The following TDRKH variants were observed in gnomAD, a reference collection of about 807,000 sequenced individuals.
The protein encoded by TDRKH is tudor and KH domain-containing protein.
Under a neutral mutation model 61.3 loss-of-function variants are expected in TDRKH, and 28 were observed. The ratio of observed to expected loss-of-function variants is 0.46; its 90% CI spans 0.34 to 0.63. The LOEUF is 0.63. Ranked by LOEUF, TDRKH falls within the 20% of genes least tolerant of loss-of-function variation. The pLI, the probability that TDRKH is intolerant of heterozygous loss-of-function variation, is 0.01. For synonymous variants in TDRKH, 219 were observed against 244.4 expected (o/e 0.90, Z 0.97); for missense variants, 540 against 683.4 (o/e 0.79, Z 2.34).
chr1:151,774,949 A>G, intron 11 of TDRKH, 116 bp downstream of exon 11: 1 of 1,353,054 alleles, frequency 7.4e-7, no homozygotes, highest in South Asian at 1.3e-5. Context: ...TTGGTCAACT[A>G]CTGGAGGAGC....
chr1:151,788,003 A>T (rs1558152015), intron 1 of TDRKH, among the ~76,000 whole-genome samples: 1 of 151,992 alleles, frequency 6.6e-6, no homozygotes, highest in Non-Finnish European at 1.5e-5. Flanking sequence ...TTAAAAAAAA[A>T]AAGTATAGGG....
chr1:151,782,780 C>T, intron 2 of TDRKH, 119 bp downstream of exon 2: 3 of 1,375,034 alleles, frequency 2.2e-6, no homozygotes, highest in Middle Eastern at 1.9e-4. Flanking sequence ...AAAAAAACCC[C>T]ACAAAAAACC....
intron 6 of TDRKH, 73 bp from the exon 7 acceptor site, chr1:151,776,672 G>A: frequency 6.4e-7 from 1 of 1,552,002 alleles, no homozygotes; most frequent in East Asian, 2.3e-5. Context: ...AACCAGGGTA[G>A]TGAGAGGTAC....
intron 1 of TDRKH, among the ~76,000 whole-genome samples, chr1:151,789,714 G>C (rs1350985305): frequency 6.6e-6 from 1 of 152,188 alleles, no homozygotes; most frequent in Non-Finnish European, 1.5e-5. Flanking sequence ...TGAAAGCATA[G>C]ATAACTCATT....
At chr1:151,775,719 C>T in intron 9 of TDRKH, 101 bp downstream of exon 9, 2 of 1,519,888 alleles carry the variant, frequency 1.3e-6, no homozygotes, top group Non-Finnish European at 1.8e-6. Flanking sequence ...ACCTGAGTCC[C>T]CAGAATTCAA....
At chr1:151,782,818 C>G (rs550871100) in intron 2 of TDRKH, 81 bp downstream of exon 2, 1,155 of 1,458,988 alleles carry the variant, frequency 7.9e-4, no homozygotes, top group Admixed American at 1.2e-3. Context: ...CAATACCTGG[C>G]AAGGAAAGAG....
chr1:151,788,793 A>T (rs1331531804), intron 1 of TDRKH, among the ~76,000 whole-genome samples: 1 of 152,188 alleles, frequency 6.6e-6, no homozygotes, highest in Non-Finnish European at 1.5e-5. Flanking sequence ...GACACTATCA[A>T]GATCAAGTGC....
downstream of TDRKH, chr1:151,771,668 T>C (rs1438528656): frequency 2.7e-6 from 1 of 370,418 alleles, no homozygotes; most frequent in African/African-American, 2.1e-5. Flanking sequence ...AGTTGGGGGA[T>C]CTCAACGGAC....
downstream of TDRKH, chr1:151,771,741 G>T (rs1399794269): frequency 1.3e-5 from 5 of 391,908 alleles, no homozygotes; most frequent in Non-Finnish European, 1.8e-5. Context: ...TATACTAACA[G>T]AATGACAAAG....
chr1:151,789,011 GTGTCAA>G (rs1285383535), intron 1 of TDRKH, among the ~76,000 whole-genome samples: 1 of 152,196 alleles, frequency 6.6e-6, no homozygotes, highest in Non-Finnish European at 1.5e-5. Context: ...CCTAGTCCAG[GTGTCAA>G]TGATGGAGAT....
chr1:151,770,211 T>C (rs1468289952), downstream of TDRKH: 3 of 1,613,834 alleles, frequency 1.9e-6, no homozygotes, highest in Admixed American at 1.7e-5. Flanking sequence ...AGAAGACAAA[T>C]GTGGACTCTG....
rs2101580653 is a variant in TDRKH at position 151,775,452 on chromosome 1, A to G, written c.1374T>C (p.Tyr458=). ...GCCAAGTTGAGATCCCAGTCTGGAC[A>G]TAGCTAGAGATCTTGGCTACCAGAG... ...WKPLVAKISS[Y]VQTGISTWPK... is the part of the protein sequence containing the mutation. Residue 458 remains tyrosine (Y), a synonymous_variant, in exon 10 of 13, where the codon TAT becomes TAC. Coordinates refer to ENST00000368824, the MANE Select transcript of TDRKH (RefSeq NM_001083965.2). 6.2e-7 allele frequency: 1 copy of G among 1,614,196 alleles called. No homozygotes were observed. The highest frequency in any genetic ancestry group is 8.5e-7 in the Non-Finnish European group (1 of 1,180,022).
chr1:151,779,376 G>A, intron 4 of TDRKH, 134 bp from the exon 5 acceptor site: 1 of 1,213,938 alleles, frequency 8.2e-7, no homozygotes, highest in Non-Finnish European at 1.1e-6. Flanking sequence ...ACAAGATGTT[G>A]AATGGAAATC....
chr1:151,771,154 A>G (rs781055723), downstream of TDRKH: 12 of 1,613,562 alleles, frequency 7.4e-6, no homozygotes, highest in Middle Eastern at 1.6e-4. Context: ...TCCCTTGGAC[A>G]ATGTCATCTT....
downstream of TDRKH, among the ~76,000 whole-genome samples, chr1:151,772,291 G>A (rs1648752664): frequency 2.8e-5 from 1 of 35,876 alleles, no homozygotes; most frequent in African/African-American, 9.2e-5. Context: ...ACGGGTTTCA[G>A]CATGGTGCCA....
downstream of TDRKH, chr1:151,766,611 C>G: frequency 7.8e-7 from 1 of 1,278,270 alleles, no homozygotes; most frequent in Non-Finnish European, 1.1e-6. Flanking sequence ...AAGGGCTGAC[C>G]CCTTATCCAT....
chr1:151,779,872 GA>G, intron 4 of TDRKH, 78 bp downstream of exon 4: 1 of 1,455,880 alleles, frequency 6.9e-7, no homozygotes, highest in Non-Finnish European at 9.2e-7. Flanking sequence ...AACTAGGCCA[GA>G]AAAAACCCTG....
intron 1 of TDRKH, among the ~76,000 whole-genome samples, chr1:151,789,183 C>A (rs1056956247): frequency 1.3e-4 from 20 of 152,132 alleles, no homozygotes; most frequent in African/African-American, 4.6e-4. Flanking sequence ...GCGGTTTTGG[C>A]CGACTTCTAT....
intron 2 of TDRKH, 39 bp downstream of exon 2, chr1:151,782,860 C>A: frequency 6.6e-7 from 1 of 1,519,548 alleles, no homozygotes; most frequent in South Asian, 1.3e-5. Flanking sequence ...AGGAGCATGT[C>A]TGAACATTTT....
Sources: gnomAD v4.1 joint callset for allele counts (sites outside exome capture counted in the v4.1 genomes callset) on GRCh38, gnomAD v4.1.1 for gene constraint, MANE v1.5 for transcripts, NCBI Gene and HGNC (gene_info 2026-07-23, HGNC 2026-07-21) for gene names.